The following KIAA0825 variants were observed in gnomAD, a reference collection of about 807,000 sequenced individuals.
KIAA0825 encodes the protein uncharacterized protein KIAA0825.
KIAA0825 carries 119 observed loss-of-function variants against 147.6 expected under a neutral mutation model. That is an observed-to-expected ratio of 0.81 (90% CI 0.69 to 0.94). The LOEUF (loss-of-function observed/expected upper bound fraction) is 0.94, where lower values mean the gene tolerates loss of function less well. KIAA0825 is among the 40% of genes least tolerant of loss of function. The pLI is 0.00. For missense variants in KIAA0825, 1,381 were observed against 1,472.7 expected (o/e 0.94, Z 1.02); for synonymous variants, 470 against 518.1 (o/e 0.91, Z 1.26).
chr5:94,446,910 A>G (rs555605715), intron 13 of KIAA0825, among the ~76,000 whole-genome samples: 1 of 152,268 alleles, frequency 6.6e-6, no homozygotes, highest in South Asian at 2.1e-4. Flanking sequence ...GTTGAGACTA[A>G]GGTGAAACTG....
At chr5:94,292,082 A>G (rs1562352722) in intron 20 of KIAA0825, among the ~76,000 whole-genome samples, 1 of 152,118 alleles carries the variant, frequency 6.6e-6, no homozygotes, top group African/African-American at 2.4e-5. Flanking sequence ...CTCTCTTCCT[A>G]TTTGAATACC....
intron 20 of KIAA0825, among the ~76,000 whole-genome samples, chr5:94,293,706 T>C (rs1399281963): frequency 6.6e-6 from 1 of 152,128 alleles, no homozygotes; most frequent in Non-Finnish European, 1.5e-5. Context: ...ATATTGACAG[T>C]GGGGTGTTAA....
At chr5:94,462,829 T>C (rs1760003523) in intron 11 of KIAA0825, among the ~76,000 whole-genome samples, 1 of 151,814 alleles carries the variant, frequency 6.6e-6, no homozygotes, top group Non-Finnish European at 1.5e-5. Flanking sequence ...TTAAAAACTG[T>C]TTCTTTTACA....
rs952217081 is a variant in KIAA0825 at position 94,520,822 on chromosome 5, G to C, written c.396C>G (p.Thr132=). Residue 132 remains threonine (T), a synonymous_variant, in exon 5 of 21, where the codon ACC becomes ACG. Coordinates refer to ENST00000682413, the MANE Select transcript of KIAA0825 (RefSeq NM_001145678.3). ...GGAAATGGAAAGATGTTCCACTTAG[G>C]GTTGATGGGAATGAAACGCTGCTGT... ...SCHSSVSFPS[T]LSGTSFHFLS... is the part of the protein sequence containing the mutation. 4.3e-6 allele frequency: 7 copies of C among 1,613,026 alleles called. No individual in the cohort carries two copies. The highest frequency in any genetic ancestry group is 3.3e-5 in the Admixed American group (2 of 59,878).
At chr5:94,510,641 A>C (rs1016114074) in intron 5 of KIAA0825, among the ~76,000 whole-genome samples, 1 of 152,362 alleles carries the variant, frequency 6.6e-6, no homozygotes, top group Non-Finnish European at 1.5e-5. Flanking sequence ...GAAGCAATTT[A>C]AAAATGTATG....
At position 94,154,045 on chromosome 5, in the gene KIAA0825, G is replaced by A; in HGVS notation, c.3790C>T (p.Gln1264Ter). The A allele has an allele frequency of 5.8e-6, 9 of 1,551,644 alleles. No individual in the cohort carries two copies. Among genetic ancestry groups the A allele is most frequent in the Non-Finnish European group, 7.8e-6 (9 of 1,146,906 alleles). Residue 1264 changes from glutamine to a stop codon, truncating the protein, a stop_gained, in exon 21 of 21, where the codon CAG (glutamine) becomes TAG (stop). Transcript: ENST00000682413. LOFTEE classifies it high-confidence loss of function. ...ATGTTATCTGAGGCAGAAGAGTTCT[G>A]TGGGGTGCAAATTTGTTTTAAGTGC... ...LEHLKQICTP[Q>*]NSSASDNIEE...
chr5:94,415,419 T>C (rs1488578712), intron 15 of KIAA0825: 1 of 152,080 alleles, frequency 6.6e-6, no homozygotes, highest in Non-Finnish European at 1.5e-5. Context: ...ACAAAAGTCA[T>C]AGTAAAAGGC....
At chr5:94,609,917 A>G (rs879940687) in intron 1 of KIAA0825, among the ~76,000 whole-genome samples, 8 of 152,204 alleles carry the variant, frequency 5.3e-5, no homozygotes, top group Non-Finnish European at 1.0e-4. Flanking sequence ...TCTTAACAGT[A>G]GAGGACAGAC....
chr5:94,464,741 T>C (rs1760274496), intron 11 of KIAA0825, 128 bp downstream of exon 11: 4 of 757,618 alleles, frequency 5.3e-6, no homozygotes, highest in Non-Finnish European at 6.1e-6. Flanking sequence ...GAATAGAATA[T>C]GATTTCTTTT....
intron 20 of KIAA0825, among the ~76,000 whole-genome samples, chr5:94,159,615 A>T (rs1284291532): frequency 6.6e-6 from 1 of 152,152 alleles, no homozygotes; most frequent in African/African-American, 2.4e-5. Flanking sequence ...GTATATATGT[A>T]TATGTATATG....
At chr5:94,355,387 G>T (rs1232694793) in intron 20 of KIAA0825, among the ~76,000 whole-genome samples, 1 of 152,098 alleles carries the variant, frequency 6.6e-6, no homozygotes, top group African/African-American at 2.4e-5. Flanking sequence ...AACATGTTTG[G>T]GGGTAAAATA....
intron 2 of KIAA0825, among the ~76,000 whole-genome samples, chr5:94,551,678 G>A (rs1454688768): frequency 1.3e-5 from 2 of 152,022 alleles, no homozygotes; most frequent in African/African-American, 2.4e-5. Context: ...GAAACTCATT[G>A]ACATATATTG....
intron 20 of KIAA0825, among the ~76,000 whole-genome samples, chr5:94,358,020 G>C (rs766567555): frequency 6.6e-6 from 1 of 151,618 alleles, no homozygotes; most frequent in Non-Finnish European, 1.5e-5. Flanking sequence ...CAGCTCTTTT[G>C]CTATACACAG....
At chr5:94,547,262 A>G (rs1774593032) in intron 2 of KIAA0825, among the ~76,000 whole-genome samples, 1 of 152,114 alleles carries the variant, frequency 6.6e-6, no homozygotes, top group Admixed American at 6.6e-5. Context: ...ATTGGCCTTA[A>G]AGAGAGAAAG....
intron 20 of KIAA0825, among the ~76,000 whole-genome samples, chr5:94,271,656 G>A (rs1359441676): frequency 6.6e-6 from 1 of 152,144 alleles, no homozygotes; most frequent in African/African-American, 2.4e-5. Context: ...GCTGAGGCGG[G>A]AGAATCGTTG....
chr5:94,298,269 G>A (rs867124925), intron 20 of KIAA0825, among the ~76,000 whole-genome samples: 18 of 152,100 alleles, frequency 1.2e-4, no homozygotes, highest in African/African-American at 3.6e-4. Context: ...TAAGAATGGC[G>A]GGTGTTAAGA....
chr5:94,470,008 G>T lies in KIAA0825; in HGVS notation c.1825C>A (p.Gln609Lys). Residue 609 changes from glutamine (Q) to lysine (K), a missense_variant, in exon 10 of 21, where the codon CAG becomes AAG. Gln to Lys is a moderately conservative substitution (Grantham distance 53). Transcript: ENST00000682413. ...CVRVCATSIL[Q>K]DAESHHWDDY... is the part of the protein sequence containing the mutation. The stretch of plus-strand genomic sequence containing the variant: ...TCCCAGTGGTGGCTCTCAGCATCCT[G>T]TAAAATGCTTGTAGCACAAACTCTG... 6.4e-7 allele frequency: 1 copy of T among 1,551,762 alleles called. No homozygotes were observed. The highest frequency in any genetic ancestry group is 8.7e-7 in the Non-Finnish European group (1 of 1,146,936).
chr5:94,531,273 C>T (rs1015347066), intron 3 of KIAA0825, among the ~76,000 whole-genome samples: 3 of 152,132 alleles, frequency 2.0e-5, no homozygotes, highest in African/African-American at 7.2e-5. Flanking sequence ...TGAGGACACA[C>T]TATGTATGAT....
intron 14 of KIAA0825, among the ~76,000 whole-genome samples, chr5:94,437,055 T>G (rs1306287124): frequency 6.6e-6 from 1 of 152,190 alleles, no homozygotes; most frequent in African/African-American, 2.4e-5. Flanking sequence ...AAAAAGCTGA[T>G]AGTTATGTTG....
Sources: allele counts gnomAD v4.1 joint callset (sites outside exome capture counted in the v4.1 genomes callset), GRCh38; gene constraint gnomAD v4.1.1; transcripts MANE v1.5; gene names NCBI Gene and HGNC (gene_info 2026-07-23, HGNC 2026-07-21).